Variants in PRUNE2 observed in about 807,000 individuals in gnomAD.
PRUNE2 encodes the protein prune homolog 2 with BCH domain, also known as protein prune homolog 2.
A neutral mutation model predicts 252.0 loss-of-function variants in PRUNE2; 164 were observed. That is an observed-to-expected ratio of 0.65 (90% CI 0.57 to 0.74). The LOEUF (loss-of-function observed/expected upper bound fraction) is 0.74, where lower values mean the gene tolerates loss of function less well. PRUNE2 is among the 30% of genes least tolerant of loss of function. The pLI is 0.00. For missense variants in PRUNE2, 3,495 were observed against 3,711.0 expected (o/e 0.94, Z 1.51); for synonymous variants, 1,292 against 1,350.2 (o/e 0.96, Z 0.94).
intron 6 of PRUNE2, among the ~76,000 whole-genome samples, chr9:76,754,438 A>C (rs979073900): frequency 6.6e-6 from 1 of 152,206 alleles, no homozygotes; most frequent in African/African-American, 2.4e-5. Flanking sequence ...TCATCTATCC[A>C]TGAACGTCCC....
At chr9:76,621,662 G>A (rs1345885402) in intron 17 of PRUNE2, among the ~76,000 whole-genome samples, 4 of 152,030 alleles carry the variant, frequency 2.6e-5, no homozygotes, top group Non-Finnish European at 4.4e-5. Flanking sequence ...CAGCATCACT[G>A]GGAACTTGTT....
intron 11 of PRUNE2, among the ~76,000 whole-genome samples, chr9:76,651,217 GA>G (rs11449835): frequency 1.5e-4 from 23 of 150,748 alleles, no homozygotes; most frequent in African/African-American, 5.1e-4. Context: ...ATAACTTATG[GA>G]AAAAAAAAAC....
rs2053670980 is a variant in PRUNE2 at position 76,775,819 on chromosome 9, C to T, written c.756+47813G>A. Among the ~76,000 whole-genome samples, 6 of 152,250 alleles carry T rather than the reference C, an allele frequency of 3.9e-5. No individual in the cohort carries two copies. In the South Asian group the frequency reaches 1.2e-3, roughly 31 times the overall value. ...TCACCCGGCCTTCATGCCGGCTATG[C>T]AGGCCCATTTCTAACACATCCTTCT... On this transcript the variant is annotated intron_variant, in intron 6 of 18. Transcript: ENST00000376718.
intron 6 of PRUNE2, among the ~76,000 whole-genome samples, chr9:76,801,983 T>C (rs2056589865): frequency 6.6e-6 from 1 of 152,080 alleles, no homozygotes; most frequent in South Asian, 2.1e-4. Context: ...AAAACTAAAA[T>C]ATATTAAACT....
chr9:76,843,873 C>G (rs1366793341), intron 4 of PRUNE2, among the ~76,000 whole-genome samples: 1 of 151,736 alleles, frequency 6.6e-6, no homozygotes. Context: ...GGATTACAGG[C>G]GTCCGCCACC....
chr9:76,802,569 C>G (rs2056636139), intron 6 of PRUNE2, among the ~76,000 whole-genome samples: 1 of 152,112 alleles, frequency 6.6e-6, no homozygotes, highest in African/African-American at 2.4e-5. Flanking sequence ...TGTTTACTTG[C>G]TTCTTTAGCA....
In PRUNE2 at chr9:76,679,860, G is replaced by T. The variant is rs542899896; in HGVS notation, c.8276+23477C>A. ...TCACCTTATGCAATATACCAAAATTGCTCAAAATGGATTAGCAATAAAAAC... is the reference window on the plus strand; with the variant it reads ...TCACCTTATGCAATATACCAAAATTTCTCAAAATGGATTAGCAATAAAAAC... On this transcript the variant is annotated intron_variant, in intron 9 of 18. Transcript: ENST00000376718. Among the ~76,000 whole-genome samples, 28 of 152,230 alleles carry T rather than the reference G, an allele frequency of 1.8e-4. No individual in the cohort carries two copies. The South Asian group carries it at 5.6e-3, about 30-fold the overall frequency.
intron 8 of PRUNE2, among the ~76,000 whole-genome samples, chr9:76,704,382 G>A (rs187818507): frequency 8.6e-4 from 130 of 151,832 alleles, no homozygotes; most frequent in Middle Eastern, 3.4e-3. Context: ...CTGCCCCCAC[G>A]CCCAGCTAAT....
In PRUNE2 at chr9:76,707,317, G is replaced by C. The variant is rs757380973; in HGVS notation, c.4957C>G (p.Gln1653Glu). 3 of 1,613,902 alleles carry C rather than the reference G, an allele frequency of 1.9e-6. No individual in the cohort carries two copies. In the Admixed American group the frequency reaches 5.0e-5, roughly 27 times the overall value. Residue 1653 changes from glutamine to glutamate, a missense_variant, in exon 8 of 19, where the codon CAG becomes GAG. Transcript: ENST00000376718. Reference protein sequence around the residue: ...GKYSEHSGTHQESNLIASYQE... With the variant: ...GKYSEHSGTHEESNLIASYQE... ...TAGCTAGCAATTAGATTGCTTTCCT[G>C]ATGTGTCCCTGAATGTTCAGAATAT...
rs58726178 is a variant in PRUNE2, at chr9:76,615,769, G to GTTTTTTT, written c.9237-1176_9237-1170dup. ...TTTTTGTTGTTGTTTTGTGTGTGTG[G>GTTTTTTT]TTTTTTTTTTTTTTTTTTTGAGATG... On this transcript the variant is annotated intron_variant, in intron 18 of 18. Transcript: ENST00000376718. Among the ~76,000 whole-genome samples, 313 of 93,938 alleles carry GTTTTTTT rather than the reference G, an allele frequency of 3.3e-3. 19 individuals carry two copies. The highest frequency in any genetic ancestry group is 0.012 in the Middle Eastern group (1 of 86). 61.6% of individuals were successfully genotyped at this position (93,938 alleles called of 152,430 possible).
In PRUNE2 at chr9:76,690,249, T is replaced by C. The variant is rs1336387969; in HGVS notation, c.8276+13088A>G. On this transcript the variant is annotated intron_variant, in intron 9 of 18. Transcript: ENST00000376718. ...AACTACCAATTACCCTTAACTTGGA[T>C]TGGTAAGGAATTGAGAAACCATCCC... 5.3e-5 allele frequency among the ~76,000 whole-genome samples: 8 copies of C among 152,328 alleles called. 1 individual carries two copies. In the South Asian group the frequency reaches 1.0e-3, roughly 20 times the overall value.
chr9:76,672,701 A>G (rs1372068806), intron 9 of PRUNE2, among the ~76,000 whole-genome samples: 1 of 147,082 alleles, frequency 6.8e-6, no homozygotes, highest in African/African-American at 2.5e-5. Flanking sequence ...ATAACAAACT[A>G]TCTCTCAGAC....
In PRUNE2 at chr9:76,636,460, A is replaced by G; in HGVS notation, c.9050+11T>C. ...AGTAGTACTTTTATTTTATGACAACATTAACTGTACCTTATAAAAGGTCGT... is the reference window on the plus strand; with the variant it reads ...AGTAGTACTTTTATTTTATGACAACGTTAACTGTACCTTATAAAAGGTCGT... On this transcript the variant is annotated intron_variant, in intron 15 of 18. Coordinates refer to ENST00000376718, the MANE Select transcript of PRUNE2 (RefSeq NM_015225.3). 6.9e-7 allele frequency: 1 copy of G among 1,441,226 alleles called. No individual in the cohort carries two copies. Among genetic ancestry groups the G allele is most frequent in the Non-Finnish European group, 9.5e-7 (1 of 1,047,642 alleles). 89.3% of individuals were successfully genotyped at this position (1,441,226 alleles called of 1,614,324 possible).
chr9:76,697,164 A>G (rs1004597902), intron 9 of PRUNE2, among the ~76,000 whole-genome samples: 1 of 152,124 alleles, frequency 6.6e-6, no homozygotes, highest in Non-Finnish European at 1.5e-5. Context: ...CAATGCCACT[A>G]GTTGTGATGT....
At chr9:76,830,990 C>T (rs966475694) in intron 4 of PRUNE2, among the ~76,000 whole-genome samples, 3 of 149,494 alleles carry the variant, frequency 2.0e-5, no homozygotes, top group Non-Finnish European at 4.4e-5. Flanking sequence ...AGTGCAGTTG[C>T]GTGATCTCGG....
In PRUNE2 at chr9:76,705,842, T is replaced by C; in HGVS notation, c.6432A>G (p.Glu2144=). The C allele has an allele frequency of 6.2e-7, 1 of 1,613,638 alleles. No homozygotes were observed. The highest frequency in any genetic ancestry group is 8.5e-7 in the Non-Finnish European group (1 of 1,179,882). Residue 2144 remains glutamate, a synonymous_variant, in exon 8 of 19, where the codon GAA becomes GAG. Coordinates refer to ENST00000376718, the MANE Select transcript of PRUNE2 (RefSeq NM_015225.3). ...ACTCCCGTCCAGGCTCATAAATGGG[T>C]TCTTCATCTATCTCTGGCTCAGTGA... ...LCLTEPEIDE[E]PIYEPGREFV...
intron 6 of PRUNE2, chr9:76,823,152 T>A (rs1333974432): frequency 6.6e-6 from 1 of 152,556 alleles, no homozygotes; most frequent in Non-Finnish European, 1.5e-5. Flanking sequence ...GGAAGGAGGT[T>A]CCTTGTTAAG....
At chr9:76,898,839 C>T (rs1447399703) in intron 1 of PRUNE2, among the ~76,000 whole-genome samples, 3 of 152,156 alleles carry the variant, frequency 2.0e-5, no homozygotes, top group Non-Finnish European at 4.4e-5. Context: ...AAGACTCTGG[C>T]ATTACAGGCT....
chr9:76,761,387 A>G (rs2051714595), intron 6 of PRUNE2, among the ~76,000 whole-genome samples: 1 of 152,336 alleles, frequency 6.6e-6, no homozygotes, highest in South Asian at 2.1e-4. Flanking sequence ...TGTAAGTCAG[A>G]CAATTCTCAT....
Sources: allele counts gnomAD v4.1 joint callset (sites outside exome capture counted in the v4.1 genomes callset), GRCh38; gene constraint gnomAD v4.1.1; transcripts MANE v1.5; gene names NCBI Gene and HGNC (gene_info 2026-07-23, HGNC 2026-07-21).